The following CASS4 variants were observed in gnomAD, a reference collection of about 807,000 sequenced individuals.
CASS4 encodes the protein Cas scaffold protein family member 4.
In CASS4, 22 loss-of-function variants were observed where a neutral mutation model predicts 54.2. That is an observed-to-expected ratio of 0.41 (90% CI 0.29 to 0.58). CASS4 has a LOEUF of 0.58. Ranked by LOEUF, CASS4 falls within the 20% of genes least tolerant of loss-of-function variation. CASS4 has a pLI of 0.36. For synonymous variants in CASS4, 409 were observed against 391.5 expected (o/e 1.04, Z -0.53); for missense variants, 854 against 986.7 (o/e 0.87, Z 1.80).
rs1384709033 is a variant in CASS4, at chr20:56,459,130, A to G, written c.*383A>G. The G allele has an allele frequency of 1.7e-5, 3 of 173,408 alleles. No individual in the cohort carries two copies. Among genetic ancestry groups the G allele is most frequent in the African/African-American group, 7.1e-5 (3 of 42,180 alleles). 10.7% of individuals were successfully genotyped at this position (173,408 alleles called of 1,614,324 possible). ...CAGTGGCGCGATCTCAGCTCACTGC[A>G]ACCTCCGCCTTCTGGGTTGAAGCAA... On this transcript the variant is annotated 3_prime_UTR_variant, in exon 6 of 6. Transcript: ENST00000679887.
At chr20:56,439,713 CT>C (rs929700924) in intron 2 of CASS4, among the ~76,000 whole-genome samples, 11 of 152,098 alleles carry the variant, frequency 7.2e-5, no homozygotes, top group Admixed American at 4.6e-4. Context: ...AGAATGAAAA[CT>C]TTTTTTAATA....
Position 56,412,406 on chromosome 20 carries a change from G to T in CASS4, c.-53G>T. The T allele has an allele frequency of 6.3e-7, 1 of 1,597,806 alleles. No homozygotes were observed. The highest frequency in any genetic ancestry group is 8.6e-7 in the Non-Finnish European group (1 of 1,168,740). ...CAGTGACATTGCACAATCTGCCTCT[G>T]AAGCTGGAGATACTAGCTGCAGAGC... On this transcript the variant is annotated 5_prime_UTR_variant, in exon 1 of 6. Transcript: ENST00000679887. The surrounding 1 kb of genome is among the most constrained non-coding windows in gnomAD (Gnocchi z 4.2).
chr20:56,440,117 A>T lies in CASS4; in HGVS notation c.459+2531A>T, dbSNP rs543011380. Among the ~76,000 whole-genome samples the T allele has an allele frequency of 6.5e-4, 99 of 152,358 alleles. 1 individual carries two copies. Among genetic ancestry groups the T allele is most frequent in the African/African-American group, 2.3e-3 (95 of 41,590 alleles). On this transcript the variant is annotated intron_variant, in intron 2 of 5. Transcript: ENST00000679887. ...TGGGCTACAAGACATAGAACCAGAC[A>T]GTTGTTACATAGAACAGCTGCCAGC...
chr20:56,458,623 A>G lies in CASS4; in HGVS notation c.2237A>G (p.Asp746Gly). ...GSSHLCSLLK[D>G]VALATKNAVL... ...AGTCACCTCTGCAGCCTGCTCAAGG[A>G]CGTAGCGCTGGCCACTAAGAATGCC... The change falls in exon 6 of 6, where the codon GAC becomes GGC. Residue 746 changes from aspartate (D) to glycine (G), a missense_variant. Coordinates refer to ENST00000679887, the MANE Select transcript of CASS4 (RefSeq NM_020356.4). The G allele has an allele frequency of 1.2e-6, 2 of 1,613,918 alleles. No individual in the cohort carries two copies. The highest frequency in any genetic ancestry group is 1.7e-6 in the Non-Finnish European group (2 of 1,179,976).
chr20:56,420,290 A>G (rs376146986), intron 1 of CASS4, among the ~76,000 whole-genome samples: 4 of 152,234 alleles, frequency 2.6e-5, no homozygotes, highest in East Asian at 1.9e-4. Context: ...AGGGAGGGAC[A>G]GGGGGCAAAA....
intron 3 of CASS4, among the ~76,000 whole-genome samples, chr20:56,446,757 C>T (rs180751997): frequency 2.0e-5 from 3 of 152,182 alleles, no homozygotes; most frequent in African/African-American, 4.8e-5. Flanking sequence ...GTGCCCCAAC[C>T]CCAGAGACTG....
Position 56,452,740 on chromosome 20 carries a change from A to T in CASS4, c.1564A>T (p.Thr522Ser), listed in dbSNP as rs377729881. 15 of 1,614,104 alleles carry T rather than the reference A, an allele frequency of 9.3e-6. No individual in the cohort carries two copies. In the African/African-American group the frequency reaches 2.0e-4, roughly 22 times the overall value. Residue 522 changes from threonine to serine, a missense_variant, in exon 5 of 6, where the codon ACC becomes TCC. Coordinates refer to ENST00000679887, the MANE Select transcript of CASS4 (RefSeq NM_020356.4). The part of the protein sequence containing the change: ...LQNRIRDQMQ[T>S]ISNSYRILLE... ...GAACAGAATTCGGGACCAGATGCAG[A>T]CCATCTCCAACTCCTACCGCATCCT...
Position 56,458,377 on chromosome 20 carries a change from A to C in CASS4, c.1991A>C (p.Gln664Pro). 1 of 1,613,648 alleles carries C rather than the reference A, an allele frequency of 6.2e-7. No homozygotes were observed. The highest frequency in any genetic ancestry group is 8.5e-7 in the Non-Finnish European group (1 of 1,179,642). ...CTTATACCTCAGCCTTCGAGTCAAC[A>C]GACTCCTGAGAGGAAACCCCGCTTA... is the stretch of plus-strand genomic sequence containing the variant. ...GPLIPQPSSQQTPERKPRLSE... is the reference protein window; with the variant it reads ...GPLIPQPSSQPTPERKPRLSE... Residue 664 changes from glutamine (Q) to proline (P), a missense_variant, in exon 6 of 6, where the codon CAG becomes CCG. By Grantham distance (76) the Gln-to-Pro change is moderately conservative (BLOSUM62 -1). Coordinates refer to ENST00000679887, the MANE Select transcript of CASS4 (RefSeq NM_020356.4).
At chr20:56,440,663 C>T (rs557878548) in intron 2 of CASS4, among the ~76,000 whole-genome samples, 9 of 152,314 alleles carry the variant, frequency 5.9e-5, no homozygotes, top group South Asian at 2.1e-4. Flanking sequence ...GACTGACATC[C>T]GTGTGAAAGG....
intron 1 of CASS4, among the ~76,000 whole-genome samples, chr20:56,417,738 CT>C (rs1979212857): frequency 6.6e-6 from 1 of 152,238 alleles, no homozygotes; most frequent in South Asian, 2.1e-4. Flanking sequence ...AACAGCACTA[CT>C]TTCTAGTCAG....
intron 1 of CASS4, among the ~76,000 whole-genome samples, chr20:56,426,598 C>A (rs937851569): frequency 6.6e-6 from 1 of 151,904 alleles, no homozygotes; most frequent in Admixed American, 6.6e-5. Context: ...CCCGCCAAGA[C>A]AAGGTCTCAC....
chr20:56,417,046 A>G (rs1979171799), intron 1 of CASS4, among the ~76,000 whole-genome samples: 1 of 152,222 alleles, frequency 6.6e-6, no homozygotes, highest in African/African-American at 2.4e-5. Flanking sequence ...TTTTTAAAAA[A>G]TCTTCCACAT....
chr20:56,457,535 A>T (rs1337370050), intron 5 of CASS4, among the ~76,000 whole-genome samples: 1 of 152,202 alleles, frequency 6.6e-6, no homozygotes, highest in Non-Finnish European at 1.5e-5. Flanking sequence ...TTTTAATATT[A>T]AGGCAAAAAA....
intron 2 of CASS4, among the ~76,000 whole-genome samples, chr20:56,441,377 G>A (rs62209424): frequency 0.23 from 34,733 of 151,068 alleles, 4,445 homozygotes; most frequent in East Asian, 0.58. Context: ...GGCCAAGGCG[G>A]GTGGATCACC....
At chr20:56,416,071 G>A (rs1979121776) in intron 1 of CASS4, among the ~76,000 whole-genome samples, 2 of 152,068 alleles carry the variant, frequency 1.3e-5, no homozygotes, top group Non-Finnish European at 2.9e-5. Flanking sequence ...TTTTTTTGAG[G>A]TGGAGTTTCA....
Position 56,414,526 on chromosome 20 carries a change from GCC to G in CASS4, c.36+2033_36+2034del, listed in dbSNP as rs1240243410. Among the ~76,000 whole-genome samples the G allele has an allele frequency of 6.6e-6, 1 of 152,012 alleles. No individual in the cohort carries two copies. The highest frequency in any genetic ancestry group is 6.6e-5 in the Admixed American group (1 of 15,248). ...ATTCCTGAACTCAGGTGATTCTTCTGCCTCAGCCTCCCAAGTACAGGATTACA... is the reference window on the plus strand; with the variant it reads ...ATTCCTGAACTCAGGTGATTCTTCTGTCAGCCTCCCAAGTACAGGATTACA... On this transcript the variant is annotated intron_variant, in intron 1 of 5. Coordinates refer to ENST00000679887, the MANE Select transcript of CASS4 (RefSeq NM_020356.4). This position sits in a 1 kb window ranked among gnomAD's most constrained non-coding sequence, Gnocchi z 4.1.
Position 56,451,910 on chromosome 20 carries a change from A to G in CASS4, c.734A>G (p.Asp245Gly), listed in dbSNP as rs200048841. ...PNPQKSEWIY[D>G]TPVSPGKASV... The stretch of plus-strand genomic sequence containing the variant: ...CCTCAGAAATCGGAATGGATTTATG[A>G]CACTCCAGTGTCTCCAGGAAAGGCC... The change falls in exon 5 of 6, where the codon GAC (aspartate) becomes GGC (glycine). Residue 245 changes from aspartate (D) to glycine (G), a missense_variant. Physicochemically the swap from Asp to Gly is moderately conservative, Grantham distance 94. Coordinates refer to ENST00000679887, the MANE Select transcript of CASS4 (RefSeq NM_020356.4). 2.4e-4 allele frequency: 391 copies of G among 1,614,120 alleles called. 2 individuals are homozygous for G. In the Admixed American group the frequency reaches 6.0e-3, roughly 25 times the overall value.
chr20:56,436,763 T>A (rs1434166599), intron 1 of CASS4, among the ~76,000 whole-genome samples: 1 of 151,982 alleles, frequency 6.6e-6, no homozygotes, highest in African/African-American at 2.4e-5. Flanking sequence ...GGCACGCATG[T>A]GTAGTCCCAG....
At position 56,414,284 on chromosome 20, in the gene CASS4, G is replaced by A. The variant is rs988701481; in HGVS notation, c.36+1790G>A. On this transcript the variant is annotated intron_variant, in intron 1 of 5. Transcript: ENST00000679887. This position sits in a 1 kb window ranked among gnomAD's most constrained non-coding sequence, Gnocchi z 4.1. ...TCCAGGTGGTGTTTGTCAATTCTCAGTTCTTAATCTAGAACAATCTACTAC... is the reference window on the plus strand; with the variant it reads ...TCCAGGTGGTGTTTGTCAATTCTCAATTCTTAATCTAGAACAATCTACTAC... Among the ~76,000 whole-genome samples the A allele has an allele frequency of 4.6e-5, 7 of 152,094 alleles. No homozygotes were observed. Among genetic ancestry groups the A allele is most frequent in the African/African-American group, 1.7e-4 (7 of 41,410 alleles).
Sources: allele counts gnomAD v4.1 joint callset (sites outside exome capture counted in the v4.1 genomes callset), GRCh38; gene constraint gnomAD v4.1.1; non-coding constraint Gnocchi (gnomAD v3.1); transcripts MANE v1.5; gene names NCBI Gene and HGNC (gene_info 2026-07-23, HGNC 2026-07-21).